Variants in SNX25 observed in about 807,000 individuals in gnomAD.
SNX25 encodes sorting nexin 25.
SNX25 carries 62 observed loss-of-function variants against 113.7 expected under a neutral mutation model. The ratio of observed to expected loss-of-function variants is 0.55; its 90% CI spans 0.44 to 0.67. The LOEUF (loss-of-function observed/expected upper bound fraction) is 0.67, where lower values mean the gene tolerates loss of function less well. SNX25 is among the 30% of genes least tolerant of loss of function. SNX25 has a pLI of 0.00. For synonymous variants in SNX25, 421 were observed against 436.2 expected (o/e 0.97, Z 0.43); for missense variants, 1,014 against 1,161.0 (o/e 0.87, Z 1.84).
chr4:185,232,010 A>G lies in SNX25; in HGVS notation c.430-15284A>G, dbSNP rs1211238833. ...CCCAGCTTTTCACTTCAAAGGAATTATGGAAGTCGAGGTCCCAGTAAATCA... is the reference window on the plus strand; with the variant it reads ...CCCAGCTTTTCACTTCAAAGGAATTGTGGAAGTCGAGGTCCCAGTAAATCA... On this transcript the variant is annotated intron_variant, in intron 1 of 18. Coordinates refer to ENST00000652585, the MANE Select transcript of SNX25 (RefSeq NM_001378034.2). This position sits in a 1 kb window ranked among gnomAD's most constrained non-coding sequence, Gnocchi z 4.4. 1.3e-5 allele frequency among the ~76,000 whole-genome samples: 2 copies of G among 152,186 alleles called. No homozygotes were observed. The highest frequency in any genetic ancestry group is 4.8e-5 in the African/African-American group (2 of 41,454).
At chr4:185,376,466 G>A in the SNX25 span, among the ~76,000 whole-genome samples, 2 of 43,852 alleles carry the variant, frequency 4.6e-5, no homozygotes, top group Non-Finnish European at 1.0e-4. Flanking sequence ...TTTTTTTTTT[G>A]TATTTTTAGT....
chr4:185,361,204 C>T (rs147875485), intron 16 of SNX25, among the ~76,000 whole-genome samples: 51 of 152,260 alleles, frequency 3.3e-4, no homozygotes, highest in African/African-American at 1.1e-3. Flanking sequence ...AAGACAGCTA[C>T]GGAAAGCCTG....
chr4:185,358,444 C>A (rs2095348445), intron 16 of SNX25, among the ~76,000 whole-genome samples: 1 of 152,156 alleles, frequency 6.6e-6, no homozygotes, highest in Admixed American at 6.5e-5. Context: ...TTAATATAGT[C>A]AATTATTATT....
intron 7 of SNX25, among the ~76,000 whole-genome samples, chr4:185,319,104 T>A (rs532620694): frequency 1.5e-4 from 22 of 150,242 alleles, no homozygotes; most frequent in East Asian, 1.2e-3. Context: ...TTTTTTATTT[T>A]TTTTTTTTTA....
chr4:185,261,256 C>T (rs1434275171), intron 3 of SNX25, among the ~76,000 whole-genome samples: 1 of 152,088 alleles, frequency 6.6e-6, no homozygotes, highest in African/African-American at 2.4e-5. Flanking sequence ...TGGCTCACTG[C>T]AACCTCCGCT....
At chr4:185,280,328 T>A (rs973617758) in intron 5 of SNX25, among the ~76,000 whole-genome samples, 1 of 152,216 alleles carries the variant, frequency 6.6e-6, no homozygotes, top group South Asian at 2.1e-4. Flanking sequence ...ATATTGGTAA[T>A]GGTGTAGCAT....
At chr4:185,290,182 A>G (rs745461750) in intron 6 of SNX25, among the ~76,000 whole-genome samples, 6 of 152,200 alleles carry the variant, frequency 3.9e-5, no homozygotes, top group Non-Finnish European at 5.9e-5. Flanking sequence ...TCTCCAAATA[A>G]GGCCACATCC....
chr4:185,332,336 A>G (rs970729679), intron 9 of SNX25, among the ~76,000 whole-genome samples: 11 of 152,168 alleles, frequency 7.2e-5, no homozygotes, highest in African/African-American at 2.2e-4. Flanking sequence ...TAGAGGTACC[A>G]CTTGGGAAAT....
chr4:185,275,070 AACATCAGAAGTG>A (rs1278720132), intron 5 of SNX25, among the ~76,000 whole-genome samples: 1 of 152,176 alleles, frequency 6.6e-6, no homozygotes, highest in African/African-American at 2.4e-5. Flanking sequence ...GACAAATAAT[AACATCAGAAGTG>A]TTGACAGCTA....
At chr4:185,275,053 C>T (rs926991968) in intron 5 of SNX25, among the ~76,000 whole-genome samples, 2 of 152,116 alleles carry the variant, frequency 1.3e-5, no homozygotes, top group South Asian at 2.1e-4. Context: ...TAAACCTTTG[C>T]ACAGAGGACA....
chr4:185,312,075 C>T (rs1355140443), intron 7 of SNX25, among the ~76,000 whole-genome samples: 2 of 152,180 alleles, frequency 1.3e-5, no homozygotes, highest in African/African-American at 4.8e-5. Context: ...CCTTCCTCCT[C>T]CTCATTAGCT....
At chr4:185,212,463 ATGTGTGTGTG>A (rs1553980506) in intron 1 of SNX25, among the ~76,000 whole-genome samples, 1 of 119,388 alleles carries the variant, frequency 8.4e-6, no homozygotes, top group Non-Finnish European at 1.7e-5. Flanking sequence ...AATTTGTGTG[ATGTGTGTGTG>A]TGTGTGTGTG....
At chr4:185,304,027 G>A (rs995158010) in intron 6 of SNX25, among the ~76,000 whole-genome samples, 14 of 152,208 alleles carry the variant, frequency 9.2e-5, no homozygotes, top group African/African-American at 3.1e-4. Flanking sequence ...GAGAATTGCT[G>A]CCAGCTTTGT....
downstream of SNX25, chr4:185,373,157 C>T: frequency 7.6e-7 from 1 of 1,310,644 alleles, no homozygotes; most frequent in Non-Finnish European, 1.1e-6. Context: ...CAGAAAAGAA[C>T]TCTGTGTTTC....
At chr4:185,345,447 C>T (rs984287315) in intron 12 of SNX25, among the ~76,000 whole-genome samples, 43 of 152,250 alleles carry the variant, frequency 2.8e-4, no homozygotes, top group African/African-American at 9.4e-4. Flanking sequence ...GTGCGCTCTT[C>T]GTACTATGAA....
chr4:185,210,160 G>C lies in SNX25; in HGVS notation c.334G>C (p.Ala112Pro). The C allele has an allele frequency of 1.0e-6, 1 of 984,326 alleles. No homozygotes were observed. Among genetic ancestry groups the C allele is most frequent in the Non-Finnish European group, 1.2e-6 (1 of 829,718 alleles). 61.0% of individuals were successfully genotyped at this position (984,326 alleles called of 1,614,324 possible). A position where few individuals can be genotyped will look rare whatever the true frequency, so the allele number is the denominator to read the frequency against. Reference protein sequence around the residue: ...AAAFLLGILFALVCRSPRAQP... With the variant: ...AAAFLLGILFPLVCRSPRAQP... Reference sequence around the variant, plus strand: ...CGCCTTCCTGCTGGGGATCCTGTTTGCCCTCGTCTGCCGGAGCCCGCGCGC... The same window carrying C: ...CGCCTTCCTGCTGGGGATCCTGTTTCCCCTCGTCTGCCGGAGCCCGCGCGC... The change falls in exon 1 of 19, where the codon GCC (alanine) becomes CCC (proline). Residue 112 changes from alanine to proline, a missense_variant. Ala to Pro is a conservative substitution (Grantham distance 27). Transcript: ENST00000652585. This position sits in a 1 kb window ranked among gnomAD's most constrained non-coding sequence, Gnocchi z 4.4.
At chr4:185,362,836 AC>A in intron 18 of SNX25, 125 bp downstream of exon 18, 44 of 352,580 alleles carry the variant, frequency 1.2e-4, no homozygotes, top group Admixed American at 3.0e-4. Context: ...ATCTCCCTTG[AC>A]TTTTTTTTTT....
At chr4:185,372,869 C>CA, downstream of SNX25, 1 of 1,605,470 alleles carries the variant, frequency 6.2e-7, no homozygotes, top group South Asian at 1.1e-5. Flanking sequence ...TTGGAAAATG[C>CA]AACACACTTT....
the SNX25 span, chr4:185,375,500 A>ATATATATATATATATG: frequency 1.6e-5 from 1 of 61,286 alleles, no homozygotes; most frequent in Non-Finnish European, 2.7e-5. Flanking sequence ...ATATATATAT[A>ATATATATATATATATG]TATATATATA....
Sources: gnomAD v4.1 joint callset for allele counts (sites outside exome capture counted in the v4.1 genomes callset) on GRCh38, gnomAD v4.1.1 for gene constraint, Gnocchi (gnomAD v3.1) non-coding constraint, MANE v1.5 for transcripts, NCBI Gene and HGNC (gene_info 2026-07-23, HGNC 2026-07-21) for gene names.